ERMAP: variants seen among roughly 807,000 people sequenced by gnomAD.
The protein encoded by ERMAP is erythroid membrane-associated protein.
In ERMAP, 34 loss-of-function variants were observed where a neutral mutation model predicts 49.5. The ratio of observed to expected loss-of-function variants is 0.69; its 90% confidence interval spans 0.52 to 0.91. ERMAP has a LOEUF of 0.91. Ranked by LOEUF, ERMAP falls within the 40% of genes least tolerant of loss-of-function variation. ERMAP has a pLI of 0.00. For synonymous variants in ERMAP, 214 were observed against 232.2 expected (o/e 0.92, Z 0.71); for missense variants, 541 against 582.6 (o/e 0.93, Z 0.74).
At position 42,842,929 on chromosome 1, in the gene ERMAP, C is replaced by T. The variant is rs1188506558; in HGVS notation, c.1125C>T (p.Thr375=). ...GAGTCATCTCTTTCTACAATGTGACCAACAAGTCCCACATCTTTACTTTCA... is the reference window on the plus strand; with the variant it reads ...GAGTCATCTCTTTCTACAATGTGACTAACAAGTCCCACATCTTTACTTTCA... The part of the protein sequence containing the change: ...EAGVISFYNV[T]NKSHIFTFTH... Residue 375 remains threonine, a synonymous_variant, in exon 12 of 12, where the codon ACC becomes ACT. Transcript: ENST00000372517. The T allele has an allele frequency of 6.2e-7, 1 of 1,614,164 alleles. No homozygotes were observed. Among genetic ancestry groups the T allele is most frequent in the East Asian group, 2.2e-5 (1 of 44,884 alleles).
chr1:42,834,926 C>T, intron 4 of ERMAP, 112 bp from the exon 5 acceptor site: 1 of 718,820 alleles, frequency 1.4e-6, no homozygotes, highest in Admixed American at 2.0e-5. Flanking sequence ...GGAGCTCTCT[C>T]CCTAGAGGTG....
rs779746659 is a variant in ERMAP at position 42,819,202 on chromosome 1, TGTGTGC to T, written c.-122+1951_-122+1956del. On this transcript the variant is annotated intron_variant, in intron 1 of 11. Coordinates refer to ENST00000372517, the MANE Select transcript of ERMAP (RefSeq NM_001017922.2). This position sits in a 1 kb window ranked among gnomAD's most constrained non-coding sequence, Gnocchi z 5.1. ...GTGTGTGTGTGTGTGTGTGTGTGTG[TGTGTGC>T]GCGCGCGCAAGAGAGGGACCGAGAG... Among the ~76,000 whole-genome samples the T allele has an allele frequency of 7.5e-3, 807 of 108,030 alleles. 6 individuals are homozygous for T. The highest frequency in any genetic ancestry group is 0.021 in the Admixed American group (221 of 10,702). The allele number at this position is 108,030 out of a possible 152,430, so 70.9% of individuals were successfully genotyped here. A position where few individuals can be genotyped will look rare whatever the true frequency, so the allele number is the denominator to read the frequency against.
Position 42,842,655 on chromosome 1 carries a change from G to A in ERMAP, c.851G>A (p.Gly284Asp). 6.2e-7 allele frequency: 1 copy of A among 1,614,162 alleles called. No individual in the cohort carries two copies. The highest frequency in any genetic ancestry group is 8.5e-7 in the Non-Finnish European group (1 of 1,180,026). The change falls in exon 12 of 12, where the codon GGC becomes GAC. Residue 284 changes from glycine to aspartate, a missense_variant. Gly to Asp is a moderately conservative substitution (Grantham distance 94). Coordinates refer to ENST00000372517, the MANE Select transcript of ERMAP (RefSeq NM_001017922.2). ...TTTGATTTCGTTGTCAGCATCCTAG[G>A]CTCTGAGTACTTCACGACTGGCTGC... is the stretch of plus-strand genomic sequence containing the variant. ...QRFDFVVSIL[G>D]SEYFTTGCHY... is the part of the protein sequence containing the mutation.
rs1039246680 is a variant in ERMAP at position 42,838,837 on chromosome 1, A to G, written c.617-64A>G. On this transcript the variant is annotated intron_variant, in intron 7 of 11. Transcript: ENST00000372517. ...TGTGGGTTGGAGTGATGAGGCTGCC[A>G]CAGCTCTGAGGAAAAAGAGGCAGGA... 9.3e-6 allele frequency: 15 copies of G among 1,607,500 alleles called. No homozygotes were observed. In the African/African-American group the frequency reaches 1.7e-4, roughly 19 times the overall value.
intron 7 of ERMAP, among the ~76,000 whole-genome samples, chr1:42,838,269 T>A (rs769491839): frequency 6.6e-6 from 1 of 152,162 alleles, no homozygotes; most frequent in Non-Finnish European, 1.5e-5. Flanking sequence ...CAATGCCTAA[T>A]GCCTAACACA....
chr1:42,819,634 T>G lies in ERMAP; in HGVS notation c.-122+2381T>G, dbSNP rs1282586745. ...TTTCTAGAGTCAAAAAATTATCTAT[T>G]TTTATTTGCTTAATGATCTATGCAT... is the stretch of plus-strand genomic sequence containing the variant. On this transcript the variant is annotated intron_variant, in intron 1 of 11. Coordinates refer to ENST00000372517, the MANE Select transcript of ERMAP (RefSeq NM_001017922.2). This position sits in a 1 kb window ranked among gnomAD's most constrained non-coding sequence, Gnocchi z 5.1. Among the ~76,000 whole-genome samples the G allele has an allele frequency of 6.6e-6, 1 of 152,200 alleles. No homozygotes were observed. Among genetic ancestry groups the G allele is most frequent in the Non-Finnish European group, 1.5e-5 (1 of 68,024 alleles).
intron 1 of ERMAP, among the ~76,000 whole-genome samples, chr1:42,823,864 G>A (rs1654463856): frequency 6.6e-6 from 1 of 152,174 alleles, no homozygotes; most frequent in African/African-American, 2.4e-5. Context: ...ACCCACTATT[G>A]CTTTTGCAGT....
Position 42,828,497 on chromosome 1 carries a change from A to AC in ERMAP, c.-5-1947_-5-1946insC, listed in dbSNP as rs530470323. Reference sequence around the variant, plus strand: ...CTAGAGCTCATTCTTTTTTTAAAAAAATTTTTTTTTTTTTTTGAGACAAGG... The same window carrying AC: ...CTAGAGCTCATTCTTTTTTTAAAAAACATTTTTTTTTTTTTTTGAGACAAGG... On this transcript the variant is annotated intron_variant, in intron 2 of 11. Transcript: ENST00000372517. 2.4e-3 allele frequency among the ~76,000 whole-genome samples: 363 copies of AC among 150,842 alleles called. 1 individual carries two copies. Among genetic ancestry groups the AC allele is most frequent in the African/African-American group, 8.6e-3 (355 of 41,108 alleles).
rs1655122177 is a variant in ERMAP at position 42,843,298 on chromosome 1, C to G, written c.*66C>G. On this transcript the variant is annotated 3_prime_UTR_variant, in exon 12 of 12. Coordinates refer to ENST00000372517, the MANE Select transcript of ERMAP (RefSeq NM_001017922.2). ...GCACCCTGGACTTCAGTCGCCTGGCCCAACCCCATGATTATGGAACGTCTC... is the reference window on the plus strand; with the variant it reads ...GCACCCTGGACTTCAGTCGCCTGGCGCAACCCCATGATTATGGAACGTCTC... 2 of 1,199,524 alleles carry G rather than the reference C, an allele frequency of 1.7e-6. No individual in the cohort carries two copies. Among genetic ancestry groups the G allele is most frequent in the African/African-American group, 3.1e-5 (2 of 64,862 alleles). The allele number at this position is 1,199,524 out of a possible 1,614,324, so 74.3% of individuals were successfully genotyped here.
At chr1:42,833,865 T>C (rs7540312) in intron 4 of ERMAP, among the ~76,000 whole-genome samples, 33,344 of 152,058 alleles carry the variant, frequency 0.22, 3,971 homozygotes, top group East Asian at 0.4. Context: ...CCTGAACCTT[T>C]TAATGATCCT....
At position 42,817,256 on chromosome 1, in the gene ERMAP, A is replaced by G. The variant is rs1405983805; in HGVS notation, c.-122+3A>G. 1.6e-6 allele frequency: 2 copies of G among 1,248,806 alleles called. No individual in the cohort carries two copies. Among genetic ancestry groups the G allele is most frequent in the East Asian group, 7.8e-5 (1 of 12,790 alleles). 77.4% of individuals were successfully genotyped at this position (1,248,806 alleles called of 1,614,324 possible). ...TCGCAGACAACGCCTCCGGGAGGGT[A>G]ATCCTCGCCTTCCCCCGACCACTGG... On this transcript the variant is annotated splice_donor_region_variant and intron_variant, in intron 1 of 11. Coordinates refer to ENST00000372517, the MANE Select transcript of ERMAP (RefSeq NM_001017922.2).
intron 2 of ERMAP, 58 bp downstream of exon 2, chr1:42,825,796 A>T (rs1654527701): frequency 7.8e-7 from 1 of 1,285,830 alleles, no homozygotes; most frequent in African/African-American, 1.5e-5. Context: ...CAGGATCCTC[A>T]GGTTTAGTAG....
At chr1:42,829,579 C>A (rs972524349) in intron 2 of ERMAP, among the ~76,000 whole-genome samples, 15 of 151,968 alleles carry the variant, frequency 9.9e-5, no homozygotes, top group African/African-American at 3.6e-4. Context: ...AGGAGGAAAT[C>A]CTTTAGGGTC....
intron 2 of ERMAP, among the ~76,000 whole-genome samples, chr1:42,825,953 T>C (rs772882526): frequency 2.0e-5 from 3 of 152,228 alleles, no homozygotes; most frequent in Non-Finnish European, 4.4e-5. Context: ...TTAAGTAGTA[T>C]TGTCATCATT....
Position 42,831,013 on chromosome 1 carries a change from C to A in ERMAP, c.331C>A (p.Leu111Met). 6.2e-7 allele frequency: 1 copy of A among 1,614,224 alleles called. No homozygotes were observed. Among genetic ancestry groups the A allele is most frequent in the Non-Finnish European group, 8.5e-7 (1 of 1,180,030 alleles). Reference protein sequence around the residue: ...VRDAQEGSVTLQILDVRLEDQ... With the variant: ...VRDAQEGSVTMQILDVRLEDQ... Reference sequence around the variant, plus strand: ...AGATGCCCAAGAGGGAAGTGTCACTCTGCAGATCCTTGACGTGCGCCTTGA... The same window carrying A: ...AGATGCCCAAGAGGGAAGTGTCACTATGCAGATCCTTGACGTGCGCCTTGA... Residue 111 changes from leucine to methionine, a missense_variant, in exon 4 of 12, where the codon CTG becomes ATG. Transcript: ENST00000372517.
chr1:42,838,527 AG>A (rs1395717726), intron 7 of ERMAP, among the ~76,000 whole-genome samples: 1 of 152,236 alleles, frequency 6.6e-6, no homozygotes, highest in African/African-American at 2.4e-5. Context: ...AGTTCATGCT[AG>A]GCCTTTAGCT....
At chr1:42,836,220 A>G (rs1210786913) in intron 6 of ERMAP, among the ~76,000 whole-genome samples, 1 of 152,216 alleles carries the variant, frequency 6.6e-6, no homozygotes, top group Non-Finnish European at 1.5e-5. Context: ...GCTACACAAG[A>G]AAGCTCCTGG....
Position 42,843,222 on chromosome 1 carries a change from C to T in ERMAP, c.1418C>T (p.Pro473Leu). 2 of 1,580,984 alleles carry T rather than the reference C, an allele frequency of 1.3e-6. No individual in the cohort carries two copies. Among genetic ancestry groups the T allele is most frequent in the Non-Finnish European group, 1.7e-6 (2 of 1,166,598 alleles). ...CCAGCCCTTCAGGAGCTCAAGGCTC[C>T]TTCTTTTTAGGGATATGCCACATTA... Reference protein sequence around the residue: ...LGPALQELKAPSF With the variant: ...LGPALQELKALSF Residue 473 changes from proline (P) to leucine (L), a missense_variant, in exon 12 of 12, where the codon CCT becomes CTT. Physicochemically the swap from Pro to Leu is moderately conservative, Grantham distance 98. Coordinates refer to ENST00000372517, the MANE Select transcript of ERMAP (RefSeq NM_001017922.2).
Position 42,843,475 on chromosome 1 carries a change from G to T in ERMAP, c.*243G>T. 2.4e-6 allele frequency: 1 copy of T among 416,638 alleles called. No homozygotes were observed. Among genetic ancestry groups the T allele is most frequent in the South Asian group, 5.7e-5 (1 of 17,656 alleles). The allele number at this position is 416,638 out of a possible 1,614,324, so 25.8% of individuals were successfully genotyped here. A position where few individuals can be genotyped will look rare whatever the true frequency, so the allele number is the denominator to read the frequency against. On this transcript the variant is annotated 3_prime_UTR_variant, in exon 12 of 12. Transcript: ENST00000372517. ...CCTGGAAACCAAACAATCAGTTTAG[G>T]TGCAGGTGGAGATGTTGAATATGTG...
Sources: gnomAD v4.1 joint callset for allele counts (sites outside exome capture counted in the v4.1 genomes callset) on GRCh38, gnomAD v4.1.1 for gene constraint, Gnocchi (gnomAD v3.1) non-coding constraint, MANE v1.5 for transcripts, NCBI Gene and HGNC (gene_info 2026-07-23, HGNC 2026-07-21) for gene names.